Variants in EP400 observed in about 807,000 individuals in gnomAD.
EP400 encodes E1A binding protein p400.
A neutral mutation model predicts 354.1 loss-of-function variants in EP400; 105 were observed. The observed-to-expected ratio is 0.30, with a 90% CI of 0.25 to 0.35. EP400 has a LOEUF of 0.35. Ranked by LOEUF, EP400 falls within the 10% of genes least tolerant of loss-of-function variation. EP400 has a pLI of 1.00. For missense variants in EP400, 3,280 were observed against 4,121.0 expected, an observed-to-expected ratio of 0.80 and a Z score of 5.59; for synonymous variants, 1,646 against 1,716.9, an observed-to-expected ratio of 0.96 and a Z score of 1.02.
intron 32 of EP400, among the ~76,000 whole-genome samples, chr12:132,041,740 G>A: frequency 6.6e-6 from 1 of 152,232 alleles, no homozygotes; most frequent in South Asian, 2.1e-4. Flanking sequence ...TCTGGGTGGT[G>A]GTGTGGAGGC....
chr12:131,981,383 G>C, intron 3 of EP400, 106 bp from the exon 4 acceptor site: 1 of 825,318 alleles, frequency 1.2e-6, no homozygotes, highest in Non-Finnish European at 1.9e-6. Flanking sequence ...TTCATGTATA[G>C]AAAGGCCTCC....
chr12:132,024,391 CAG>C (rs1162105875), intron 24 of EP400, among the ~76,000 whole-genome samples: 1 of 152,120 alleles, frequency 6.6e-6, no homozygotes, highest in Non-Finnish European at 1.5e-5. Context: ...AGATAAGTAA[CAG>C]AAATATTTGC....
intron 12 of EP400, among the ~76,000 whole-genome samples, chr12:132,003,328 A>G (rs1417951786): frequency 1.3e-5 from 2 of 152,210 alleles, no homozygotes; most frequent in East Asian, 3.8e-4. Flanking sequence ...ATTAGGTATT[A>G]TAAGTAACCT....
intron 41 of EP400, among the ~76,000 whole-genome samples, chr12:132,051,656 G>T (rs1037907349): frequency 6.6e-6 from 1 of 152,206 alleles, no homozygotes; most frequent in Non-Finnish European, 1.5e-5. Flanking sequence ...AGAGCCAGGT[G>T]TACAAGATGG....
rs144453857 is a variant in EP400, at chr12:132,018,692, A to C, written c.4277+316A>C. ...GTGGAGGCTGGTGTGGCCGAACCAC[A>C]CATGTGTCGTGAGTGTGGCAGGCAG... On this transcript the variant is annotated intron_variant, in intron 21 of 52. Transcript: ENST00000389561. This position sits in a 1 kb window ranked among gnomAD's most constrained non-coding sequence, Gnocchi z 4.0. Among the ~76,000 whole-genome samples the C allele has an allele frequency of 3.3e-5, 5 of 152,270 alleles. No individual in the cohort carries two copies. Among genetic ancestry groups the C allele is most frequent in the Admixed American group, 6.5e-5 (1 of 15,286 alleles).
rs531629339 is a variant in EP400 at position 132,032,622 on chromosome 12, GT to G, written c.5951+490del. On this transcript the variant is annotated intron_variant, in intron 30 of 52. Transcript: ENST00000389561. ...GTGAAAAGAAGAGAAAAGAGAATTA[GT>G]TTTTTTTTTTTTTTTTCTTTTTTTT... is the stretch of plus-strand genomic sequence containing the variant. Among the ~76,000 whole-genome samples the G allele has an allele frequency of 7.2e-3, 1,005 of 138,664 alleles. 4 individuals carry two copies. Among genetic ancestry groups the G allele is most frequent in the African/African-American group, 0.018 (697 of 37,954 alleles). 91.0% of individuals were successfully genotyped at this position (138,664 alleles called of 152,430 possible).
chr12:131,952,717 G>A (rs553111512), intron 1 of EP400, among the ~76,000 whole-genome samples: 201 of 152,256 alleles, frequency 1.3e-3, no homozygotes, highest in African/African-American at 4.8e-3. Flanking sequence ...CTCCCACCGT[G>A]TTGGAATTAC....
chr12:132,000,830 T>C (rs1012493996), intron 12 of EP400, among the ~76,000 whole-genome samples: 3 of 152,266 alleles, frequency 2.0e-5, no homozygotes, highest in Non-Finnish European at 2.9e-5. Context: ...AATGGTTTTT[T>C]AGAAAACCTA....
At chr12:131,984,648 AC>A (rs2136495341) in intron 5 of EP400, among the ~76,000 whole-genome samples, 1 of 152,062 alleles carries the variant, frequency 6.6e-6, no homozygotes, top group Admixed American at 6.5e-5. Flanking sequence ...GATTTAATTT[AC>A]CTGCCTGTGT....
intron 47 of EP400, among the ~76,000 whole-genome samples, chr12:132,063,842 C>A (rs1164206240): frequency 2.6e-5 from 4 of 152,180 alleles, no homozygotes; most frequent in African/African-American, 9.7e-5. Context: ...CCCTGGGCAG[C>A]CCCCGCCTAG....
intron 2 of EP400, among the ~76,000 whole-genome samples, chr12:131,969,556 C>T (rs1331063658): frequency 1.3e-5 from 2 of 152,094 alleles, no homozygotes; most frequent in Non-Finnish European, 2.9e-5. Context: ...TAGTATACTT[C>T]CGACATACCT....
At position 131,961,846 on chromosome 12, in the gene EP400, A is replaced by G. The variant is rs1388127318; in HGVS notation, c.1227A>G (p.Lys409=). The stretch of plus-strand genomic sequence containing the variant: ...TGGATTTCTTAGCTTTCAAGAAGAA[A>G]CATTATGCCCCATTACAAGCATATC... ...NMMDFLAFKK[K]HYAPLQAYLR... Residue 409 remains lysine (K), a synonymous_variant, in exon 2 of 53, where the codon AAA becomes AAG. Coordinates refer to ENST00000389561, the MANE Select transcript of EP400 (RefSeq NM_015409.5). 1 of 1,614,206 alleles carries G rather than the reference A, an allele frequency of 6.2e-7. No individual in the cohort carries two copies. The highest frequency in any genetic ancestry group is 1.1e-5 in the South Asian group (1 of 91,082).
At position 132,076,642 on chromosome 12, in the gene EP400, A is replaced by G. The variant is rs752062877; in HGVS notation, c.9099+49A>G. The G allele has an allele frequency of 3.3e-6, 5 of 1,534,104 alleles. No homozygotes were observed. The South Asian group carries it at 6.0e-5, about 18-fold the overall frequency. ...AACCTCACATTTCCCAGGTCAGAGAATGGGTTGTTTTCATCTGAGGTCATG... is the reference window on the plus strand; with the variant it reads ...AACCTCACATTTCCCAGGTCAGAGAGTGGGTTGTTTTCATCTGAGGTCATG... On this transcript the variant is annotated intron_variant, in intron 52 of 52. Transcript: ENST00000389561.
intron 5 of EP400, among the ~76,000 whole-genome samples, chr12:131,985,206 C>T (rs1472011668): frequency 3.3e-5 from 5 of 152,220 alleles, no homozygotes; most frequent in Non-Finnish European, 7.3e-5. Context: ...GAACCTGTTA[C>T]TTCTAGGTTA....
rs1891880960 is a variant in EP400 at position 131,961,492 on chromosome 12, C to T, written c.873C>T (p.Pro291=). 4 of 1,573,478 alleles carry T rather than the reference C, an allele frequency of 2.5e-6. No individual in the cohort carries two copies. The highest frequency in any genetic ancestry group is 4.7e-5 in the East Asian group (2 of 42,740). Residue 291 remains proline, a synonymous_variant, in exon 2 of 53, where the codon CCC becomes CCT. Coordinates refer to ENST00000389561, the MANE Select transcript of EP400 (RefSeq NM_015409.5). Reference sequence around the variant, plus strand: ...TGCAGGGGCCGCCGCTGCCCCGGCCCCTGGGCTTCGAGAGGACACCCGGCG... The same window carrying T: ...TGCAGGGGCCGCCGCTGCCCCGGCCTCTGGGCTTCGAGAGGACACCCGGCG... The part of the protein sequence containing the change: ...QVLQGPPLPR[P]LGFERTPGVL...
At chr12:132,006,383 C>G (rs1835393453) in intron 14 of EP400, 81 bp downstream of exon 14, 1 of 1,479,642 alleles carries the variant, frequency 6.8e-7, no homozygotes, top group Non-Finnish European at 9.1e-7. Context: ...AGCTTTTCCT[C>G]TTCCCAGTGA....
chr12:131,987,982 ACTTTT>A, intron 7 of EP400, 92 bp downstream of exon 7: 3 of 628,604 alleles, frequency 4.8e-6, no homozygotes, highest in Non-Finnish European at 4.4e-6. Flanking sequence ...CTCCAGACCC[ACTTTT>A]TTTTTTTTTT....
At chr12:131,983,786 C>A (rs1418776569) in intron 5 of EP400, among the ~76,000 whole-genome samples, 1 of 152,122 alleles carries the variant, frequency 6.6e-6, no homozygotes, top group East Asian at 1.9e-4. Context: ...CTTAGATGAT[C>A]CTCCTGTCCC....
chr12:132,011,783 C>T, intron 16 of EP400, 149 bp downstream of exon 16: 1 of 1,115,640 alleles, frequency 9.0e-7, no homozygotes. Flanking sequence ...TGTTGTTCCC[C>T]TCGAAAGCAT....
Sources: gnomAD v4.1 joint callset for allele counts (sites outside exome capture counted in the v4.1 genomes callset) on GRCh38, gnomAD v4.1.1 for gene constraint, Gnocchi (gnomAD v3.1) non-coding constraint, MANE v1.5 for transcripts, NCBI Gene and HGNC (gene_info 2026-07-23, HGNC 2026-07-21) for gene names.